Variants in LRRC49 observed in about 807,000 individuals in gnomAD.
LRRC49 encodes leucine-rich repeat-containing protein 49.
Under a neutral mutation model 83.3 loss-of-function variants are expected in LRRC49, and 50 were observed. The observed-to-expected ratio is 0.60, with a 90% CI of 0.48 to 0.76. The LOEUF is 0.76. Ranked by LOEUF, LRRC49 falls within the 30% of genes least tolerant of loss-of-function variation. The pLI is 0.00. For missense variants in LRRC49, 704 were observed against 809.1 expected (o/e 0.87, Z 1.58); for synonymous variants, 286 against 283.3 (o/e 1.01, Z -0.10).
At chr15:70,981,969 T>C (rs2037417935) in intron 10 of LRRC49, among the ~76,000 whole-genome samples, 1 of 149,340 alleles carries the variant, frequency 6.7e-6, no homozygotes, top group Non-Finnish European at 1.5e-5. Context: ...AATCCCCACC[T>C]GACATTAAGA....
At chr15:71,008,350 C>A in intron 11 of LRRC49, 29 bp from the exon 12 acceptor site, 2 of 1,324,908 alleles carry the variant, frequency 1.5e-6, no homozygotes, top group Non-Finnish European at 2.2e-6. Flanking sequence ...TGATATCTTT[C>A]ATTTAAAATT....
chr15:70,989,421 G>A lies in LRRC49; in HGVS notation c.1169+5164G>A, dbSNP rs865905988. On this transcript the variant is annotated intron_variant, in intron 11 of 15. Coordinates refer to ENST00000260382, the MANE Select transcript of LRRC49 (RefSeq NM_017691.5). ...CTGATATCCTTTCTTCCAGTTGATC[G>A]CATCGGCTCCTGAGGCTTCTGCATT... Among the ~76,000 whole-genome samples the A allele has an allele frequency of 6.6e-5, 10 of 151,924 alleles. No individual in the cohort carries two copies. The South Asian group carries it at 1.0e-3, about 16-fold the overall frequency.
At chr15:70,938,977 TG>T (rs957203130) in intron 8 of LRRC49, among the ~76,000 whole-genome samples, 2 of 152,176 alleles carry the variant, frequency 1.3e-5, no homozygotes, top group African/African-American at 4.8e-5. Flanking sequence ...AAGCATACAC[TG>T]TTGCATAAAA....
chr15:70,904,495 T>G (rs2034216482), intron 4 of LRRC49, 57 bp from the exon 5 acceptor site: 1 of 1,151,288 alleles, frequency 8.7e-7, no homozygotes, highest in East Asian at 2.4e-5. Context: ...ATAATATTTG[T>G]AAGAAGAGGT....
chr15:71,006,944 A>G (rs1033477042), intron 11 of LRRC49, among the ~76,000 whole-genome samples: 3 of 152,050 alleles, frequency 2.0e-5, no homozygotes, highest in Admixed American at 6.6e-5. Context: ...AGTTTTTCCT[A>G]TTATCAGCCT....
intron 11 of LRRC49, 106 bp from the exon 12 acceptor site, chr15:71,008,273 A>G (rs138121838): frequency 1.5e-5 from 10 of 655,574 alleles, no homozygotes; most frequent in African/African-American, 1.4e-4. Context: ...AATTACTGAA[A>G]TGAAAAAAGA....
chr15:70,912,756 A>C (rs1567048607), intron 6 of LRRC49, among the ~76,000 whole-genome samples: 1 of 152,068 alleles, frequency 6.6e-6, no homozygotes, highest in Non-Finnish European at 1.5e-5. Flanking sequence ...GGCTCACTGC[A>C]AGCTCCGCCT....
At chr15:70,856,990 G>A (rs576265658) in intron 1 of LRRC49, among the ~76,000 whole-genome samples, 1 of 152,292 alleles carries the variant, frequency 6.6e-6, no homozygotes, top group South Asian at 2.1e-4. Context: ...ATTGCAGGGA[G>A]TTTGCATCAC....
chr15:70,856,270 A>G (rs562830219), intron 1 of LRRC49, among the ~76,000 whole-genome samples: 1 of 152,318 alleles, frequency 6.6e-6, no homozygotes, highest in South Asian at 2.1e-4. Context: ...TTGAATTTAT[A>G]TGTCCTTACA....
At chr15:71,018,871 T>TG (rs757557049) in intron 14 of LRRC49, among the ~76,000 whole-genome samples, 80 of 152,132 alleles carry the variant, frequency 5.3e-4, no homozygotes, top group Non-Finnish European at 5.4e-4. Flanking sequence ...ACCCCCTTCT[T>TG]GGGGGGTTCT....
At chr15:70,894,219 G>A (rs183564791) in intron 2 of LRRC49, among the ~76,000 whole-genome samples, 138 of 152,242 alleles carry the variant, frequency 9.1e-4, no homozygotes, top group Non-Finnish European at 1.3e-3. Flanking sequence ...TCTGAAATCA[G>A]GAGCCTTCTT....
intron 14 of LRRC49, among the ~76,000 whole-genome samples, chr15:71,024,641 A>G (rs1033790795): frequency 1.3e-5 from 2 of 152,158 alleles, no homozygotes; most frequent in Non-Finnish European, 2.9e-5. Context: ...TTAACTCACG[A>G]AGATGAGAAA....
intron 1 of LRRC49, among the ~76,000 whole-genome samples, chr15:70,854,472 G>C (rs1201206539): frequency 1.3e-5 from 2 of 152,226 alleles, no homozygotes; most frequent in Non-Finnish European, 2.9e-5. Flanking sequence ...CGGCGCCGCA[G>C]GGATGGGCGC....
chr15:70,855,565 C>T (rs1282441903), intron 1 of LRRC49, among the ~76,000 whole-genome samples: 1 of 152,174 alleles, frequency 6.6e-6, no homozygotes, highest in Non-Finnish European at 1.5e-5. Context: ...TCCTGGAGGG[C>T]AGTGTCCTTG....
chr15:71,025,723 G>A (rs2039147611), intron 14 of LRRC49, among the ~76,000 whole-genome samples: 1 of 151,408 alleles, frequency 6.6e-6, no homozygotes. Flanking sequence ...AAAAAACAGG[G>A]GTTGCAATCC....
chr15:70,892,038 G>A (rs545201848), upstream of LRRC49: 113 of 1,613,424 alleles, frequency 7.0e-5, 2 homozygotes, highest in South Asian at 8.4e-4. Flanking sequence ...ACCAGCCTCA[G>A]GCGCTGGGAG....
chr15:70,859,019 G>C, intron 1 of LRRC49: 2 of 1,124,754 alleles, frequency 1.8e-6, no homozygotes, highest in Non-Finnish European at 2.7e-6. Context: ...CAACAAGTTT[G>C]CCTCCTTCAT....
upstream of LRRC49, among the ~76,000 whole-genome samples, chr15:70,891,059 A>G (rs2033545366): frequency 6.6e-6 from 1 of 152,128 alleles, no homozygotes; most frequent in Non-Finnish European, 1.5e-5. Context: ...GGACCTAAGT[A>G]AGGATTACAG....
chr15:70,872,106 A>G (rs1379625740), intron 1 of LRRC49, among the ~76,000 whole-genome samples: 1 of 152,244 alleles, frequency 6.6e-6, no homozygotes, highest in African/African-American at 2.4e-5. Context: ...CCTGGGCAAC[A>G]TTGAGCACTG....
Sources: gnomAD v4.1 joint callset for allele counts (sites outside exome capture counted in the v4.1 genomes callset) on GRCh38, gnomAD v4.1.1 for gene constraint, MANE v1.5 for transcripts, NCBI Gene and HGNC (gene_info 2026-07-23, HGNC 2026-07-21) for gene names.